Variants in ROBO1 observed in about 807,000 individuals in gnomAD.
ROBO1 encodes the protein roundabout guidance receptor 1.
Under a neutral mutation model 195.9 loss-of-function variants are expected in ROBO1, and 149 were observed. The ratio of observed to expected loss-of-function variants is 0.76; its 90% CI spans 0.67 to 0.87. The LOEUF (loss-of-function observed/expected upper bound fraction) is 0.87. ROBO1 is among the 40% of genes least tolerant of loss of function. ROBO1 has a pLI of 0.00. For missense variants in ROBO1, 1,933 were observed against 2,068.3 expected, an observed-to-expected ratio of 0.93 and a Z score of 1.27; for synonymous variants, 816 against 733.2, an observed-to-expected ratio of 1.11 and a Z score of -1.82.
At position 78,688,740 on chromosome 3, in the gene ROBO1, G is replaced by A; in HGVS notation, c.1078C>T (p.Gln360Ter). ...PPHFVVKPRD[Q>*]VVALGRTVTF... is the part of the protein sequence containing the mutation. ...ACAGTCCGTCCCAAAGCAACAACCT[G>A]GTCACGGGGTTTCACAACAAAATGT... Residue 360 changes from glutamine to a stop codon, truncating the protein, a stop_gained, in exon 9 of 31, where the codon CAG (glutamine) becomes TAG (stop). Coordinates refer to ENST00000464233, the MANE Select transcript of ROBO1 (RefSeq NM_002941.4). LOFTEE classifies it high-confidence loss of function. The A allele has an allele frequency of 1.2e-6, 2 of 1,609,220 alleles. No homozygotes were observed. Among genetic ancestry groups the A allele is most frequent in the Non-Finnish European group, 1.7e-6 (2 of 1,177,658 alleles).
At chr3:79,372,843 T>C (rs1012102864) in intron 2 of ROBO1, among the ~76,000 whole-genome samples, 6 of 152,180 alleles carry the variant, frequency 3.9e-5, no homozygotes, top group Non-Finnish European at 7.4e-5. Context: ...AGAAGCATTG[T>C]ATACTAAAAT....
At chr3:79,552,389 C>G (rs1942555710) in intron 2 of ROBO1, among the ~76,000 whole-genome samples, 1 of 151,962 alleles carries the variant, frequency 6.6e-6, no homozygotes, top group Admixed American at 6.6e-5. Context: ...CTTCCAGTGA[C>G]TTGTGCAATA....
chr3:78,996,913 T>C (rs1484012280), intron 3 of ROBO1, among the ~76,000 whole-genome samples: 1 of 152,206 alleles, frequency 6.6e-6, no homozygotes. Context: ...CCTACCTCAA[T>C]GTTGTTCTGC....
chr3:78,643,284 T>G (rs1337967177), intron 21 of ROBO1, among the ~76,000 whole-genome samples: 1 of 152,210 alleles, frequency 6.6e-6, no homozygotes, highest in East Asian at 1.9e-4. Context: ...CTAGCTGTAT[T>G]CTTATAAAAC....
chr3:79,167,507 T>C (rs2081090570), intron 2 of ROBO1, among the ~76,000 whole-genome samples: 1 of 152,250 alleles, frequency 6.6e-6, no homozygotes, highest in Non-Finnish European at 1.5e-5. Flanking sequence ...ATTTTGGGGC[T>C]ACTGTCTTCA....
At chr3:78,902,720 G>GT (rs1335941572) in intron 4 of ROBO1, among the ~76,000 whole-genome samples, 4 of 152,070 alleles carry the variant, frequency 2.6e-5, no homozygotes, top group Non-Finnish European at 5.9e-5. Flanking sequence ...GCAGGCACCT[G>GT]TAATCCCAGC....
intron 3 of ROBO1, among the ~76,000 whole-genome samples, chr3:79,100,885 T>G (rs1177867475): frequency 2.0e-5 from 3 of 151,868 alleles, no homozygotes; most frequent in Non-Finnish European, 4.4e-5. Flanking sequence ...TGTTTTGTTC[T>G]TTAACAGAAG....
intron 2 of ROBO1, among the ~76,000 whole-genome samples, chr3:79,466,894 T>C (rs142734407): frequency 6.6e-6 from 1 of 152,294 alleles, no homozygotes; most frequent in East Asian, 1.9e-4. Flanking sequence ...GATTGGAATA[T>C]ATCCAGAGGA....
At chr3:79,318,852 A>G (rs1333896261) in intron 2 of ROBO1, among the ~76,000 whole-genome samples, 1 of 152,158 alleles carries the variant, frequency 6.6e-6, no homozygotes, top group South Asian at 2.1e-4. Context: ...ACAAATGTGA[A>G]CCACACTATC....
chr3:79,261,428 A>G (rs1487810812), intron 2 of ROBO1, among the ~76,000 whole-genome samples: 1 of 152,092 alleles, frequency 6.6e-6, no homozygotes, highest in African/African-American at 2.4e-5. Context: ...TGAGTATAGA[A>G]ATGAAAAATG....
At chr3:78,710,274 T>C (rs2081650513) in intron 8 of ROBO1, among the ~76,000 whole-genome samples, 1 of 152,092 alleles carries the variant, frequency 6.6e-6, no homozygotes, top group Admixed American at 6.6e-5. Flanking sequence ...AGCCATGAAC[T>C]CCTGGCCACA....
intron 4 of ROBO1, among the ~76,000 whole-genome samples, chr3:78,791,835 C>T (rs1032830301): frequency 6.6e-5 from 10 of 152,186 alleles, no homozygotes; most frequent in African/African-American, 9.7e-5. Context: ...TGATAATCAT[C>T]GATATCCAGT....
At chr3:79,538,637 T>C (rs2107634767) in intron 2 of ROBO1, among the ~76,000 whole-genome samples, 1 of 152,220 alleles carries the variant, frequency 6.6e-6, no homozygotes, top group Non-Finnish European at 1.5e-5. Flanking sequence ...TTACTAAATG[T>C]TTATTTGATA....
intron 1 of ROBO1, among the ~76,000 whole-genome samples, chr3:79,756,033 C>G (rs1230047309): frequency 6.6e-6 from 1 of 152,172 alleles, no homozygotes; most frequent in African/African-American, 2.4e-5. Flanking sequence ...GCTCTCATAT[C>G]CAGAATCACA....
chr3:79,389,349 T>G (rs886099812), intron 2 of ROBO1, among the ~76,000 whole-genome samples: 2 of 152,136 alleles, frequency 1.3e-5, no homozygotes, highest in Non-Finnish European at 2.9e-5. Flanking sequence ...AATATTAAAC[T>G]TCACTTGGTA....
chr3:79,616,848 A>C (rs909309005), intron 1 of ROBO1, among the ~76,000 whole-genome samples: 15 of 152,170 alleles, frequency 9.9e-5, no homozygotes, highest in African/African-American at 3.6e-4. Context: ...ACTTGCACGA[A>C]GGGTTGTGCT....
intron 3 of ROBO1, among the ~76,000 whole-genome samples, chr3:78,946,593 G>A (rs529647623): frequency 3.9e-5 from 6 of 152,188 alleles, no homozygotes; most frequent in African/African-American, 1.4e-4. Context: ...GACCATCAAG[G>A]CTAGGAAGAA....
chr3:79,438,148 T>C (rs969040464), intron 2 of ROBO1, among the ~76,000 whole-genome samples: 4 of 152,014 alleles, frequency 2.6e-5, no homozygotes, highest in Admixed American at 1.3e-4. Context: ...AAATTACTTA[T>C]ACTTCATTTA....
chr3:78,883,404 C>T (rs2036303982), intron 4 of ROBO1, among the ~76,000 whole-genome samples: 1 of 152,074 alleles, frequency 6.6e-6, no homozygotes, highest in African/African-American at 2.4e-5. Context: ...GTATTATAAA[C>T]AGGCTCTCAC....
Sources: gnomAD v4.1 joint callset for allele counts (sites outside exome capture counted in the v4.1 genomes callset) on GRCh38, gnomAD v4.1.1 for gene constraint, MANE v1.5 for transcripts, NCBI Gene and HGNC (gene_info 2026-07-23, HGNC 2026-07-21) for gene names.